ZRANB3: variants seen among roughly 807,000 people sequenced by gnomAD.
ZRANB3 encodes the protein zinc finger RANBP2-type containing 3.
ZRANB3 carries 125 observed loss-of-function variants against 133.8 expected under a neutral mutation model. That is an observed-to-expected ratio of 0.93 (90% CI 0.81 to 1.08). The LOEUF is 1.08. ZRANB3 is among the 50% of genes least tolerant of loss of function. The probability of loss-of-function intolerance (pLI) is 0.00; values close to 1 mark genes in which losing one functional copy is unlikely to be tolerated. For missense variants in ZRANB3, 1,229 were observed against 1,275.5 expected (o/e 0.96, Z 0.56); for synonymous variants, 387 against 432.7 (o/e 0.89, Z 1.31).
chr2:135,366,029 C>T (rs1685917479), intron 3 of ZRANB3, among the ~76,000 whole-genome samples: 2 of 152,276 alleles, frequency 1.3e-5, no homozygotes, highest in South Asian at 2.1e-4. Context: ...GAATCAAAAG[C>T]ACATCCATCA....
chr2:135,474,119 A>G (rs1190310847), intron 2 of ZRANB3, among the ~76,000 whole-genome samples: 1 of 152,064 alleles, frequency 6.6e-6, no homozygotes, highest in East Asian at 1.9e-4. Context: ...TGAGCCTGGA[A>G]ACCAGAGGTT....
chr2:135,473,587 C>T (rs1691374180), intron 2 of ZRANB3, among the ~76,000 whole-genome samples: 2 of 151,360 alleles, frequency 1.3e-5, no homozygotes, highest in Admixed American at 1.3e-4. Flanking sequence ...TATGGAAATA[C>T]ACATTCGATT....
At chr2:135,439,750 T>C (rs1241894365) in intron 2 of ZRANB3, among the ~76,000 whole-genome samples, 1 of 152,216 alleles carries the variant, frequency 6.6e-6, no homozygotes, top group East Asian at 1.9e-4. Context: ...AGCAAAGATT[T>C]TTATTTAACT....
At chr2:135,420,091 TTATATATATATATATA>T (rs201217358) in intron 2 of ZRANB3, among the ~76,000 whole-genome samples, 11 of 72,484 alleles carry the variant, frequency 1.5e-4, no homozygotes, top group African/African-American at 5.4e-4. Context: ...TATCTTAGAT[TTATATATATATATATA>T]TATATATATA....
At chr2:135,326,429 T>C (rs759184587) in intron 6 of ZRANB3, among the ~76,000 whole-genome samples, 1 of 152,174 alleles carries the variant, frequency 6.6e-6, no homozygotes, top group Non-Finnish European at 1.5e-5. Context: ...ATAATGGTAT[T>C]ATAATTAATT....
intron 2 of ZRANB3, among the ~76,000 whole-genome samples, chr2:135,457,251 A>T (rs1418455366): frequency 6.6e-5 from 10 of 152,224 alleles, no homozygotes; most frequent in Admixed American, 6.5e-4. Flanking sequence ...CATGAAAAAT[A>T]GTGAAAGACC....
At chr2:135,490,234 C>T (rs148441094) in intron 2 of ZRANB3, among the ~76,000 whole-genome samples, 5 of 151,826 alleles carry the variant, frequency 3.3e-5, no homozygotes, top group East Asian at 1.9e-4. Context: ...TTTTAGAATA[C>T]GAGAGAAAAT....
chr2:135,430,296 G>C (rs991761885), intron 2 of ZRANB3, among the ~76,000 whole-genome samples: 1 of 151,908 alleles, frequency 6.6e-6, no homozygotes, highest in Non-Finnish European at 1.5e-5. Context: ...TGATATGATC[G>C]CAGGAACTAT....
chr2:135,296,621 G>A (rs1433432580), intron 8 of ZRANB3, among the ~76,000 whole-genome samples: 1 of 152,178 alleles, frequency 6.6e-6, no homozygotes, highest in Non-Finnish European at 1.5e-5. Flanking sequence ...TGTTGCTGGT[G>A]AGGAGCTGCG....
chr2:135,257,959 AATAGT>A (rs1218215209), intron 12 of ZRANB3, among the ~76,000 whole-genome samples: 1 of 152,130 alleles, frequency 6.6e-6, no homozygotes, highest in Non-Finnish European at 1.5e-5. Context: ...GGGGCAAGTT[AATAGT>A]ATCTTCCTCA....
chr2:135,394,717 T>C (rs1460792815), intron 2 of ZRANB3, among the ~76,000 whole-genome samples: 1 of 152,094 alleles, frequency 6.6e-6, no homozygotes, highest in Non-Finnish European at 1.5e-5. Flanking sequence ...TTTTACATTG[T>C]GTTTTTTTAC....
intron 3 of ZRANB3, among the ~76,000 whole-genome samples, chr2:135,363,286 G>A (rs1685770598): frequency 6.6e-6 from 1 of 152,112 alleles, no homozygotes; most frequent in Non-Finnish European, 1.5e-5. Context: ...TCCTGCCTCA[G>A]CCTCCCAAGT....
chr2:135,395,615 G>A (rs1394318635), intron 2 of ZRANB3, among the ~76,000 whole-genome samples: 2 of 151,780 alleles, frequency 1.3e-5, no homozygotes, highest in Non-Finnish European at 2.9e-5. Context: ...ACACCACGAC[G>A]CCCGGCTAAT....
At chr2:135,518,143 C>A (rs1693777636) in intron 1 of ZRANB3, among the ~76,000 whole-genome samples, 1 of 152,194 alleles carries the variant, frequency 6.6e-6, no homozygotes, top group South Asian at 2.1e-4. Flanking sequence ...AGACTTCAGA[C>A]TGCGTGCTGG....
At chr2:135,232,744 G>C (rs1324837999) in intron 12 of ZRANB3, among the ~76,000 whole-genome samples, 1 of 152,192 alleles carries the variant, frequency 6.6e-6, no homozygotes, top group Admixed American at 6.5e-5. Flanking sequence ...CTGACTGTTA[G>C]AAGGAAAACT....
Position 135,422,500 on chromosome 2 carries a change from G to C in ZRANB3, c.162-31680C>G, listed in dbSNP as rs181420296. Among the ~76,000 whole-genome samples, 382 of 151,986 alleles carry C rather than the reference G, an allele frequency of 2.5e-3. 6 individuals carry two copies. The highest frequency in any genetic ancestry group is 0.02 in the Admixed American group (301 of 15,244). ...TTCTTTAAAAAAGGCGGGGGGCAGG[G>C]GGGCGGCGGGGGCATAAACCCACAG... On this transcript the variant is annotated intron_variant, in intron 2 of 20. Coordinates refer to ENST00000264159, the MANE Select transcript of ZRANB3 (RefSeq NM_032143.4).
intron 1 of ZRANB3, chr2:135,510,666 G>A: frequency 1.3e-6 from 1 of 788,920 alleles, no homozygotes; most frequent in South Asian, 1.4e-5. Context: ...GTCCCCTAAG[G>A]CGATCATCTC....
intron 2 of ZRANB3, among the ~76,000 whole-genome samples, chr2:135,402,644 T>C (rs1009704480): frequency 1.1e-4 from 16 of 151,682 alleles, no homozygotes; most frequent in Non-Finnish European, 2.2e-4. Flanking sequence ...TGGAGTGCAA[T>C]GGTGCGATCT....
chr2:135,230,707 C>T lies in ZRANB3; in HGVS notation c.1760G>A (p.Cys587Tyr). 6.2e-7 allele frequency: 1 copy of T among 1,612,810 alleles called. No homozygotes were observed. Among genetic ancestry groups the T allele is most frequent in the East Asian group, 2.2e-5 (1 of 44,878 alleles). Residue 587 changes from cysteine to tyrosine, a missense_variant, in exon 13 of 21, where the codon TGC (cysteine) becomes TAC (tyrosine). Transcript: ENST00000264159. ...GGATGGTGTCTCTTCCGACGGACTG[C>T]AGTGGTCTTCCGAGGCAGCCAATTT... ...RLKLAASEDHCSPSEETPSQS... is the reference protein window; with the variant it reads ...RLKLAASEDHYSPSEETPSQS...
Sources: gnomAD v4.1 joint callset for allele counts (sites outside exome capture counted in the v4.1 genomes callset) on GRCh38, gnomAD v4.1.1 for gene constraint, MANE v1.5 for transcripts, NCBI Gene and HGNC (gene_info 2026-07-23, HGNC 2026-07-21) for gene names.